Variants in C6 observed in about 807,000 individuals in gnomAD.
The protein encoded by C6 is complement C6.
In C6, 101 loss-of-function variants were observed where a neutral mutation model predicts 112.9. That is an observed-to-expected ratio of 0.89 (90% CI 0.76 to 1.06). The LOEUF is 1.06. Among genes scored for constraint, C6 ranks in the 50% least tolerant of loss-of-function variants. The probability of loss-of-function intolerance (pLI) is 0.00; values close to 1 mark genes in which losing one functional copy is unlikely to be tolerated. For synonymous variants in C6, 431 were observed against 384.1 expected, an observed-to-expected ratio of 1.12 and a Z score of -1.43; for missense variants, 1,202 against 1,104.6, an observed-to-expected ratio of 1.09 and a Z score of -1.25.
chr5:41,251,451 G>C (rs534722949), intron 1 of C6, among the ~76,000 whole-genome samples: 1 of 152,148 alleles, frequency 6.6e-6, no homozygotes, highest in African/African-American at 2.4e-5. Flanking sequence ...AGTGTGGCAG[G>C]CATATTGTCC....
upstream of C6, chr5:41,213,663 T>A (rs941689950): frequency 4.1e-5 from 19 of 460,726 alleles, 1 homozygote; most frequent in African/African-American, 3.8e-4. Flanking sequence ...TTTCAGTGAG[T>A]TTTCAATTCA....
rs189984009 is a variant in C6, at chr5:41,209,772, G to A, written c.-21+3604C>T. Among the ~76,000 whole-genome samples, 876 of 152,244 alleles carry A rather than the reference G, an allele frequency of 5.8e-3. 7 individuals carry two copies. Among genetic ancestry groups the A allele is most frequent in the African/African-American group, 0.02 (814 of 41,536 alleles). ...CTCATGTGTAGGAAGAATCAATATC[G>A]TGAAAATGGCCATACTGCTCAAGGT... On this transcript the variant is annotated intron_variant, in intron 1 of 17. Coordinates refer to ENST00000337836, the MANE Select transcript of C6 (RefSeq NM_000065.5).
chr5:41,205,305 G>A (rs1048394620), intron 1 of C6, among the ~76,000 whole-genome samples: 5 of 152,214 alleles, frequency 3.3e-5, no homozygotes, highest in Admixed American at 6.5e-5. Flanking sequence ...CTCCTAGTGT[G>A]AGAGACACAG....
At chr5:41,227,078 G>A (rs559474641) in intron 1 of C6, among the ~76,000 whole-genome samples, 7 of 152,222 alleles carry the variant, frequency 4.6e-5, no homozygotes, top group South Asian at 4.1e-4. Context: ...TACCAACAGT[G>A]TGTAAGAGTT....
At chr5:41,213,800 A>G (rs80158997), upstream of C6, among the ~76,000 whole-genome samples, 1,897 of 152,288 alleles carry the variant, frequency 0.012, 43 homozygotes, top group African/African-American at 0.043. Context: ...TTTTGATTAT[A>G]GAATAGTTAT....
intron 8 of C6, among the ~76,000 whole-genome samples, chr5:41,174,542 T>C (rs1434926946): frequency 6.6e-6 from 1 of 152,236 alleles, no homozygotes; most frequent in African/African-American, 2.4e-5. Context: ...TTTGATGTTT[T>C]CACTGTGTTT....
intron 1 of C6, among the ~76,000 whole-genome samples, chr5:41,257,493 A>G (rs1228897741): frequency 1.3e-5 from 2 of 152,130 alleles, no homozygotes; most frequent in South Asian, 2.1e-4. Flanking sequence ...GAATACATGT[A>G]TCTTTCTGGT....
At chr5:41,186,876 C>T (rs1749811971) in intron 5 of C6, among the ~76,000 whole-genome samples, 1 of 151,924 alleles carries the variant, frequency 6.6e-6, no homozygotes, top group Non-Finnish European at 1.5e-5. Context: ...GATTAATTAG[C>T]TTAGCATAAA....
intron 12 of C6, 81 bp downstream of exon 12, chr5:41,159,001 T>C (rs755830772): frequency 2.9e-5 from 43 of 1,468,390 alleles, no homozygotes; most frequent in Non-Finnish European, 4.0e-5. Context: ...TACTTAGCAG[T>C]AGACTAATAA....
intron 17 of C6, among the ~76,000 whole-genome samples, chr5:41,146,758 T>A (rs911946697): frequency 2.0e-4 from 31 of 152,004 alleles, no homozygotes; most frequent in African/African-American, 5.8e-4. Flanking sequence ...CTTTTTTTTT[T>A]AAAACAAAGT....
At chr5:41,227,536 A>G (rs1295528921) in intron 1 of C6, among the ~76,000 whole-genome samples, 1 of 152,092 alleles carries the variant, frequency 6.6e-6, no homozygotes, top group African/African-American at 2.4e-5. Flanking sequence ...TGCCCAGACC[A>G]GTGTCATGGA....
At chr5:41,260,198 GTTGA>G (rs1320933419) in intron 1 of C6, among the ~76,000 whole-genome samples, 7 of 152,038 alleles carry the variant, frequency 4.6e-5, no homozygotes, top group Non-Finnish European at 2.9e-5. Context: ...CAAAACACAA[GTTGA>G]TTATTTTTTA....
intron 17 of C6, among the ~76,000 whole-genome samples, chr5:41,147,876 C>A (rs747932575): frequency 3.9e-5 from 6 of 152,052 alleles, no homozygotes; most frequent in African/African-American, 1.4e-4. Context: ...TGTCTATGGC[C>A]AGTAAACTTA....
chr5:41,238,389 C>T (rs1333080966), intron 1 of C6, among the ~76,000 whole-genome samples: 1 of 151,882 alleles, frequency 6.6e-6, no homozygotes, highest in East Asian at 1.9e-4. Context: ...AGATATAGAT[C>T]AATGGAACAG....
chr5:41,255,150 C>T (rs1157042992), intron 1 of C6, among the ~76,000 whole-genome samples: 1 of 152,046 alleles, frequency 6.6e-6, no homozygotes, highest in East Asian at 1.9e-4. Context: ...TCACTTGAGG[C>T]AGGAGTTCAA....
In C6 at chr5:41,180,212, C is replaced by T. The variant is rs540696314; in HGVS notation, c.927+1147G>A. ...GCAATACGATAAAAGTAGGAGCAAC[C>T]GTAATATGGTGGCCTCCAGTTGCTG... On this transcript the variant is annotated intron_variant, in intron 7 of 17. Transcript: ENST00000337836. Among the ~76,000 whole-genome samples the T allele has an allele frequency of 6.6e-4, 100 of 152,172 alleles. 1 individual carries two copies. Among genetic ancestry groups the T allele is most frequent in the South Asian group, 4.4e-3 (21 of 4,812 alleles).
chr5:41,203,581 T>C (rs772967021), intron 1 of C6: 5 of 284,046 alleles, frequency 1.8e-5, no homozygotes, highest in African/African-American at 6.6e-5. Context: ...GTCTTACCCT[T>C]CTCAAAACAC....
chr5:41,144,624 TAA>T (rs1037369381), intron 17 of C6, among the ~76,000 whole-genome samples: 1 of 152,158 alleles, frequency 6.6e-6, no homozygotes, highest in Non-Finnish European at 1.5e-5. Flanking sequence ...ATACATGTGT[TAA>T]GTTTGTTATA....
intron 8 of C6, among the ~76,000 whole-genome samples, chr5:41,174,224 C>A (rs1748660857): frequency 2.0e-5 from 3 of 152,160 alleles, no homozygotes; most frequent in Non-Finnish European, 2.9e-5. Flanking sequence ...CTGTGCAATC[C>A]TTTTCTTCCC....
Sources: allele counts gnomAD v4.1 joint callset (sites outside exome capture counted in the v4.1 genomes callset), GRCh38; gene constraint gnomAD v4.1.1; transcripts MANE v1.5; gene names NCBI Gene and HGNC (gene_info 2026-07-23, HGNC 2026-07-21).